Variants in ATRNL1 observed in about 807,000 individuals in gnomAD.
ATRNL1 encodes attractin like 1, also known as attractin-like protein 1.
A neutral mutation model predicts 182.7 loss-of-function variants in ATRNL1; 95 were observed. The observed-to-expected ratio is 0.52, with a 90% CI of 0.44 to 0.62. ATRNL1 has a LOEUF of 0.62. Among genes scored for constraint, ATRNL1 ranks in the 20% least tolerant of loss-of-function variants. The probability of loss-of-function intolerance (pLI) is 0.00; values close to 1 mark genes in which losing one functional copy is unlikely to be tolerated. For missense variants in ATRNL1, 1,471 were observed against 1,679.5 expected (o/e 0.88, Z 2.17); for synonymous variants, 576 against 568.3 (o/e 1.01, Z -0.19).
intron 8 of ATRNL1, among the ~76,000 whole-genome samples, chr10:115,200,629 G>A (rs1227600223): frequency 2.9e-5 from 4 of 138,514 alleles, no homozygotes; most frequent in East Asian, 2.0e-4. Context: ...GTCTATCATT[G>A]TTGGACATTT....
chr10:115,231,356 C>T (rs1273435539), intron 9 of ATRNL1, among the ~76,000 whole-genome samples: 1 of 151,986 alleles, frequency 6.6e-6, no homozygotes, highest in Non-Finnish European at 1.5e-5. Flanking sequence ...GTGCTTTTTG[C>T]TGAACTTGAC....
chr10:115,401,171 G>A (rs1344684490), intron 20 of ATRNL1, among the ~76,000 whole-genome samples: 2 of 151,910 alleles, frequency 1.3e-5, no homozygotes, highest in Non-Finnish European at 2.9e-5. Context: ...ATAAGAGGAT[G>A]AATAGTCACA....
At chr10:115,299,857 C>T (rs1853387612) in intron 15 of ATRNL1, among the ~76,000 whole-genome samples, 177 bp from the exon 16 acceptor site, 1 of 152,146 alleles carries the variant, frequency 6.6e-6, no homozygotes, top group South Asian at 2.1e-4. Flanking sequence ...TTCTATTCTA[C>T]ATCATTCTCC....
chr10:115,667,952 A>G (rs1436066980), intron 26 of ATRNL1, among the ~76,000 whole-genome samples: 8 of 152,054 alleles, frequency 5.3e-5, no homozygotes, highest in Non-Finnish European at 1.2e-4. Flanking sequence ...GGTGTGAGCC[A>G]CCACACCTGG....
intron 21 of ATRNL1, among the ~76,000 whole-genome samples, chr10:115,449,406 C>T (rs1847174511): frequency 6.6e-6 from 1 of 152,184 alleles, no homozygotes; most frequent in Non-Finnish European, 1.5e-5. Flanking sequence ...CTGCAAGCCA[C>T]TTTCATTGGC....
At chr10:115,388,415 GTTTTA>G (rs1375634433) in intron 19 of ATRNL1, among the ~76,000 whole-genome samples, 1 of 152,026 alleles carries the variant, frequency 6.6e-6, no homozygotes, top group Non-Finnish European at 1.5e-5. Flanking sequence ...TTTGGTTTAA[GTTTTA>G]TTTTAATTTA....
At chr10:115,363,700 G>C (rs1856870665) in intron 19 of ATRNL1, among the ~76,000 whole-genome samples, 1 of 152,012 alleles carries the variant, frequency 6.6e-6, no homozygotes, top group Admixed American at 6.6e-5. Context: ...TTTGTATAAG[G>C]TGTAAGGAAG....
chr10:115,690,740 G>T (rs977989406), intron 26 of ATRNL1, among the ~76,000 whole-genome samples: 60 of 152,170 alleles, frequency 3.9e-4, no homozygotes, highest in African/African-American at 1.3e-3. Flanking sequence ...CCCTCACAAG[G>T]GTGCCCAGCT....
intron 8 of ATRNL1, among the ~76,000 whole-genome samples, chr10:115,203,838 C>A (rs1313627827): frequency 6.7e-6 from 1 of 148,414 alleles, no homozygotes; most frequent in African/African-American, 2.5e-5. Context: ...CCCAAGTGAT[C>A]CTCCTGTCTT....
At position 115,535,878 on chromosome 10, in the gene ATRNL1, G is replaced by T. The variant is rs11197278; in HGVS notation, c.3717-13580G>T. Among the ~76,000 whole-genome samples the T allele has an allele frequency of 6.6e-5, 10 of 151,776 alleles. 1 individual carries two copies. The highest frequency in any genetic ancestry group is 2.4e-4 in the African/African-American group (10 of 41,120). On this transcript the variant is annotated intron_variant, in intron 25 of 28. Transcript: ENST00000355044. Reference sequence around the variant, plus strand: ...TGGAGTTTGCTAGAGGTCCACTCCAGACCCTGTTTGCCTGGGTATCAGCAG... The same window carrying T: ...TGGAGTTTGCTAGAGGTCCACTCCATACCCTGTTTGCCTGGGTATCAGCAG...
At chr10:115,284,362 G>A (rs1012751010) in intron 14 of ATRNL1, among the ~76,000 whole-genome samples, 3 of 152,148 alleles carry the variant, frequency 2.0e-5, no homozygotes, top group East Asian at 3.9e-4. Flanking sequence ...ATTCAGTAAG[G>A]TGAGAAAAAA....
In ATRNL1 at chr10:115,093,906, G is replaced by A. The variant is rs782285739; in HGVS notation, c.156G>A (p.Ala52=). 3.1e-6 allele frequency: 5 copies of A among 1,597,640 alleles called. No individual in the cohort carries two copies. The highest frequency in any genetic ancestry group is 1.7e-5 in the Admixed American group (1 of 58,444). ...WLLCYGFLYL[A]LYAQVSQSKP... is the part of the protein sequence containing the mutation. The stretch of plus-strand genomic sequence containing the variant: ...TGTGCTATGGCTTCCTCTACCTGGC[G>A]CTCTACGCGCAGGTGTCCCAGTCCA... The change falls in exon 1 of 29, where the codon GCG becomes GCA. Residue 52 remains alanine, a synonymous_variant. Transcript: ENST00000355044. This position sits in a 1 kb window ranked among gnomAD's most constrained non-coding sequence, Gnocchi z 6.1.
chr10:115,225,029 C>A (rs1404173431), intron 9 of ATRNL1, among the ~76,000 whole-genome samples: 1 of 151,924 alleles, frequency 6.6e-6, no homozygotes, highest in Non-Finnish European at 1.5e-5. Flanking sequence ...ATTTATGAGG[C>A]CAGCATAACC....
chr10:115,876,673 T>C (rs1252472983), intron 28 of ATRNL1, among the ~76,000 whole-genome samples: 1 of 152,184 alleles, frequency 6.6e-6, no homozygotes, highest in Admixed American at 6.5e-5. Flanking sequence ...GATTACTGTA[T>C]AATTATAGAG....
intron 25 of ATRNL1, among the ~76,000 whole-genome samples, chr10:115,519,918 A>C (rs1357993391): frequency 6.6e-6 from 1 of 152,150 alleles, no homozygotes; most frequent in Admixed American, 6.6e-5. Context: ...TTCAGGGAAC[A>C]TTTATTTTCA....
intron 26 of ATRNL1, among the ~76,000 whole-genome samples, chr10:115,601,425 G>C (rs560456107): frequency 6.6e-5 from 10 of 152,116 alleles, no homozygotes; most frequent in African/African-American, 2.2e-4. Flanking sequence ...TCTATATTCC[G>C]GCTTATGTTC....
chr10:115,784,014 AAAC>A (rs375974930), intron 27 of ATRNL1, among the ~76,000 whole-genome samples: 39 of 152,194 alleles, frequency 2.6e-4, no homozygotes, highest in African/African-American at 8.7e-4. Context: ...TCCATCCCAA[AAAC>A]AACAACAACA....
At chr10:115,543,411 G>T (rs141475219) in intron 25 of ATRNL1, among the ~76,000 whole-genome samples, 2 of 152,050 alleles carry the variant, frequency 1.3e-5, no homozygotes, top group Non-Finnish European at 2.9e-5. Flanking sequence ...TGTCATGAAG[G>T]TATAAAATTG....
rs782080708 is a variant in ATRNL1, at chr10:115,121,820, ATTATAT to A, written c.491+12_491+17del. ...TTTAATAGCTGTACTTAGGTGAGTA[ATTATAT>A]TTAATCAGTTGCAGAAAAGTGACTG... is the stretch of plus-strand genomic sequence containing the variant. On this transcript the variant is annotated intron_variant, in intron 3 of 28. Coordinates refer to ENST00000355044, the MANE Select transcript of ATRNL1 (RefSeq NM_207303.4). 2.3e-6 allele frequency: 3 copies of A among 1,309,914 alleles called. No homozygotes were observed. The highest frequency in any genetic ancestry group is 2.1e-6 in the Non-Finnish European group (2 of 934,900). The allele number at this position is 1,309,914 out of a possible 1,614,324, so 81.1% of individuals were successfully genotyped here.
Sources: allele counts gnomAD v4.1 joint callset (sites outside exome capture counted in the v4.1 genomes callset), GRCh38; gene constraint gnomAD v4.1.1; non-coding constraint Gnocchi (gnomAD v3.1); transcripts MANE v1.5; gene names NCBI Gene and HGNC (gene_info 2026-07-23, HGNC 2026-07-21).